Variants in TAOK3 observed in about 807,000 individuals in gnomAD.
TAOK3 encodes the protein serine/threonine-protein kinase TAO3.
In TAOK3, 40 loss-of-function variants were observed where a neutral mutation model predicts 120.4. The ratio of observed to expected loss-of-function variants is 0.33; its 90% CI spans 0.26 to 0.43. The LOEUF is 0.43. TAOK3 is among the 20% of genes least tolerant of loss of function. TAOK3 has a pLI of 1.00. For synonymous variants in TAOK3, 355 were observed against 387.5 expected, an observed-to-expected ratio of 0.92 and a Z score of 0.99; for missense variants, 821 against 1,112.1, an observed-to-expected ratio of 0.74 and a Z score of 3.72.
intron 11 of TAOK3, among the ~76,000 whole-genome samples, chr12:118,210,491 C>T (rs1341117377): frequency 6.6e-6 from 1 of 152,070 alleles, no homozygotes; most frequent in Admixed American, 6.6e-5. Context: ...TTTCAGTCTG[C>T]TTGTATGAAT....
At chr12:118,269,378 CTCTTCT>C (rs1265983464) in intron 1 of TAOK3, among the ~76,000 whole-genome samples, 1 of 145,546 alleles carries the variant, frequency 6.9e-6, no homozygotes, top group African/African-American at 2.5e-5. Flanking sequence ...CTCTATCTCT[CTCTTCT>C]TTTTTTTTTT....
At chr12:118,180,104 C>T (rs142919947) in intron 15 of TAOK3, among the ~76,000 whole-genome samples, 2,069 of 150,284 alleles carry the variant, frequency 0.014, 50 homozygotes, top group African/African-American at 0.048. Flanking sequence ...TCTGCCACCA[C>T]GCCCAGCTAA....
At chr12:118,305,017 A>AATCCTAACTAAC (rs1195119359) in intron 1 of TAOK3, among the ~76,000 whole-genome samples, 1 of 152,212 alleles carries the variant, frequency 6.6e-6, no homozygotes, top group African/African-American at 2.4e-5. Flanking sequence ...TCCCAGATCT[A>AATCCTAACTAAC]ATCCTAACTA....
intron 11 of TAOK3, among the ~76,000 whole-genome samples, chr12:118,202,934 C>T (rs998808386): frequency 1.3e-5 from 2 of 151,936 alleles, no homozygotes; most frequent in African/African-American, 2.4e-5. Context: ...CATGCACCAC[C>T]ATGCCTGGCT....
intron 3 of TAOK3, among the ~76,000 whole-genome samples, chr12:118,248,558 C>T (rs948366647): frequency 7.2e-5 from 11 of 151,800 alleles, no homozygotes. Flanking sequence ...GCTTAAGGAG[C>T]CTGAGAAAGA....
At position 118,269,380 on chromosome 12, in the gene TAOK3, CTT is replaced by C. The variant is rs1490326312; in HGVS notation, c.-193-2623_-193-2622del. 5.0e-5 allele frequency among the ~76,000 whole-genome samples: 7 copies of C among 140,096 alleles called. No individual in the cohort carries two copies. In the South Asian group the frequency reaches 1.1e-3, roughly 22 times the overall value. The allele number at this position is 140,096 out of a possible 152,430, so 91.9% of individuals were successfully genotyped here. A position where few individuals can be genotyped will look rare whatever the true frequency, so the allele number is the denominator to read the frequency against. ...ATTAATTTTCTTTCTCTATCTCTCTCTTCTTTTTTTTTTTTTTTTTTTTTTTG... is the reference window on the plus strand; with the variant it reads ...ATTAATTTTCTTTCTCTATCTCTCTCCTTTTTTTTTTTTTTTTTTTTTTTG... On this transcript the variant is annotated intron_variant, in intron 1 of 20. Coordinates refer to ENST00000392533, the MANE Select transcript of TAOK3 (RefSeq NM_016281.4).
rs139208234 is a variant in TAOK3 at position 118,161,521 on chromosome 12, T to A, written c.2139+267A>T. Among the ~76,000 whole-genome samples, 1 of 152,258 alleles carries A rather than the reference T, an allele frequency of 6.6e-6. No individual in the cohort carries two copies. The highest frequency in any genetic ancestry group is 2.1e-4 in the South Asian group (1 of 4,838). On this transcript the variant is annotated intron_variant, in intron 18 of 20. Transcript: ENST00000392533. This position sits in a 1 kb window ranked among gnomAD's most constrained non-coding sequence, Gnocchi z 4.5. ...TTAGTCCAGTTTTGAAGATGGCAGG[T>A]CATGAAGTGCTCAGAGAAATTCCAT... is the stretch of plus-strand genomic sequence containing the variant.
chr12:118,354,350 T>C (rs1470664478), intron 1 of TAOK3, among the ~76,000 whole-genome samples: 2 of 152,192 alleles, frequency 1.3e-5, no homozygotes, highest in African/African-American at 4.8e-5. Flanking sequence ...AAGTGACGAA[T>C]AGGCACGTAG....
At chr12:118,293,463 G>T (rs1409205627) in intron 1 of TAOK3, among the ~76,000 whole-genome samples, 1 of 151,844 alleles carries the variant, frequency 6.6e-6, no homozygotes, top group Admixed American at 6.6e-5. Context: ...TGGATCACAA[G>T]GTCAGGAGTT....
Position 118,215,145 on chromosome 12 carries a change from C to T in TAOK3, c.644-1035G>A, listed in dbSNP as rs547763180. ...CCACCCGTCTTGGCCTCCAAAAGTGCTGGGATTACAGGCGTGAGCCACTGC... is the reference window on the plus strand; with the variant it reads ...CCACCCGTCTTGGCCTCCAAAAGTGTTGGGATTACAGGCGTGAGCCACTGC... On this transcript the variant is annotated intron_variant, in intron 9 of 20. Coordinates refer to ENST00000392533, the MANE Select transcript of TAOK3 (RefSeq NM_016281.4). 6.0e-5 allele frequency among the ~76,000 whole-genome samples: 9 copies of T among 149,700 alleles called. No individual in the cohort carries two copies. In the South Asian group the frequency reaches 2.0e-3, roughly 33 times the overall value.
At chr12:118,188,549 T>G (rs2037214731) in intron 14 of TAOK3, among the ~76,000 whole-genome samples, 1 of 152,252 alleles carries the variant, frequency 6.6e-6, no homozygotes, top group African/African-American at 2.4e-5. Flanking sequence ...TGCTTGCTTT[T>G]AGACAGCAGC....
At chr12:118,352,796 C>T (rs1380094132) in intron 1 of TAOK3, among the ~76,000 whole-genome samples, 1 of 152,108 alleles carries the variant, frequency 6.6e-6, no homozygotes, top group East Asian at 1.9e-4. Flanking sequence ...CTGCAACTTC[C>T]ACCACTGGGA....
intron 1 of TAOK3, among the ~76,000 whole-genome samples, chr12:118,339,359 AC>A (rs968736144): frequency 6.8e-5 from 9 of 132,666 alleles, no homozygotes; most frequent in African/African-American, 2.3e-4. Flanking sequence ...ATCTCGGCTC[AC>A]CGCAACCTCC....
intron 1 of TAOK3, among the ~76,000 whole-genome samples, chr12:118,318,609 G>C (rs969343222): frequency 6.6e-6 from 1 of 152,144 alleles, no homozygotes; most frequent in Non-Finnish European, 1.5e-5. Context: ...AGAGAAAAGG[G>C]AACCCTTGTA....
At chr12:118,233,008 T>C (rs2039850532) in intron 9 of TAOK3, among the ~76,000 whole-genome samples, 1 of 151,984 alleles carries the variant, frequency 6.6e-6, no homozygotes, top group Non-Finnish European at 1.5e-5. Flanking sequence ...AACCCAAATG[T>C]CCAACAAAGA....
intron 1 of TAOK3, among the ~76,000 whole-genome samples, chr12:118,364,468 C>A (rs1301518362): frequency 6.6e-6 from 1 of 152,056 alleles, no homozygotes; most frequent in Non-Finnish European, 1.5e-5. Flanking sequence ...CTTTGGAAGT[C>A]ATTTATCCTC....
chr12:118,338,261 C>T (rs2044448488), intron 1 of TAOK3, among the ~76,000 whole-genome samples: 1 of 152,114 alleles, frequency 6.6e-6, no homozygotes, highest in African/African-American at 2.4e-5. Context: ...ACAGATGTCA[C>T]AATTGTGATT....
At chr12:118,334,535 T>C (rs2141053741) in intron 1 of TAOK3, among the ~76,000 whole-genome samples, 1 of 152,124 alleles carries the variant, frequency 6.6e-6, no homozygotes, top group Middle Eastern at 3.4e-3. Context: ...AGATTTGCTG[T>C]ACAACACTGT....
Position 118,214,050 on chromosome 12 carries a change from T to TG in TAOK3, c.703dup (p.Gln235ProfsTer3). The TG allele has an allele frequency of 6.2e-7, 1 of 1,610,996 alleles. No individual in the cohort carries two copies. Reference sequence around the variant, plus strand: ...AGACTGTAACGTTGGGGAGTCATTCTGGGCAATGTGATATAAGGCACTCAT... The same window carrying TG: ...AGACTGTAACGTTGGGGAGTCATTCTGGGGCAATGTGATATAAGGCACTCAT... On this transcript the variant is annotated frameshift_variant, in exon 10 of 21. Transcript: ENST00000392533. LOFTEE classifies it high-confidence loss of function.
Sources: allele counts gnomAD v4.1 joint callset (sites outside exome capture counted in the v4.1 genomes callset), GRCh38; gene constraint gnomAD v4.1.1; non-coding constraint Gnocchi (gnomAD v3.1); transcripts MANE v1.5; gene names NCBI Gene and HGNC (gene_info 2026-07-23, HGNC 2026-07-21).